SPIDR: variants seen among roughly 807,000 people sequenced by gnomAD.
The protein encoded by SPIDR is scaffold protein involved in DNA repair.
In SPIDR, 93 loss-of-function variants were observed where a neutral mutation model predicts 104.6. The observed-to-expected ratio is 0.89, with a 90% confidence interval of 0.75 to 1.06. The LOEUF is 1.06. SPIDR is among the 50% of genes least tolerant of loss of function. SPIDR has a pLI of 0.00. For synonymous variants in SPIDR, 431 were observed against 416.9 expected (o/e 1.03, Z -0.41); for missense variants, 1,154 against 1,111.2 (o/e 1.04, Z -0.55).
At chr8:47,523,679 T>C (rs1390247599) in intron 8 of SPIDR, among the ~76,000 whole-genome samples, 4 of 152,200 alleles carry the variant, frequency 2.6e-5, no homozygotes, top group African/African-American at 4.8e-5. Context: ...TGCCTCTCTT[T>C]TCCCTGTTAC....
At chr8:47,664,557 C>T (rs1180338805) in intron 10 of SPIDR, among the ~76,000 whole-genome samples, 1 of 151,744 alleles carries the variant, frequency 6.6e-6, no homozygotes, top group Non-Finnish European at 1.5e-5. Context: ...AAAAATTCAC[C>T]AGAAGGGCTC....
At chr8:47,347,850 G>A (rs1554619390) in intron 5 of SPIDR, among the ~76,000 whole-genome samples, 1 of 152,088 alleles carries the variant, frequency 6.6e-6, no homozygotes, top group Non-Finnish European at 1.5e-5. Context: ...TGTCTTTGCA[G>A]GTGAGTTGGG....
At chr8:47,518,558 A>G (rs1438581147) in intron 8 of SPIDR, among the ~76,000 whole-genome samples, 2 of 152,120 alleles carry the variant, frequency 1.3e-5, no homozygotes, top group Non-Finnish European at 2.9e-5. Context: ...CACTCACACC[A>G]GAGCCTCACA....
intron 5 of SPIDR, among the ~76,000 whole-genome samples, chr8:47,360,237 T>C (rs1587670696): frequency 1.4e-5 from 1 of 72,732 alleles, no homozygotes. Context: ...AGAATGAGAC[T>C]CCATCTCAAA....
intron 8 of SPIDR, among the ~76,000 whole-genome samples, chr8:47,503,654 T>C (rs1310063113): frequency 6.6e-6 from 1 of 152,228 alleles, no homozygotes; most frequent in Non-Finnish European, 1.5e-5. Context: ...AATATTGTTA[T>C]GTGTGAATTT....
At chr8:47,389,915 C>A (rs2060381625) in intron 5 of SPIDR, among the ~76,000 whole-genome samples, 2 of 152,012 alleles carry the variant, frequency 1.3e-5, no homozygotes, top group Non-Finnish European at 2.9e-5. Flanking sequence ...CTCTATGGAA[C>A]ACATAGATCC....
At chr8:47,585,291 C>T (rs1049568627) in intron 8 of SPIDR, among the ~76,000 whole-genome samples, 1 of 152,074 alleles carries the variant, frequency 6.6e-6, no homozygotes, top group African/African-American at 2.4e-5. Context: ...AGATACTGAC[C>T]ATTGTTAATT....
chr8:47,291,199 T>TCAGACA, intron 4 of SPIDR, 62 bp downstream of exon 4: 1 of 1,143,114 alleles, frequency 8.7e-7, no homozygotes, highest in Non-Finnish European at 1.3e-6. Flanking sequence ...GTCCAGAAGA[T>TCAGACA]CAGAGTAATG....
At chr8:47,277,774 A>G (rs1394431949) in intron 1 of SPIDR, among the ~76,000 whole-genome samples, 2 of 149,468 alleles carry the variant, frequency 1.3e-5, no homozygotes, top group Non-Finnish European at 3.0e-5. Context: ...TCCTGGGTTC[A>G]AGCAATTCTC....
chr8:47,493,034 AGAGAGT>A (rs1281396857), intron 8 of SPIDR, among the ~76,000 whole-genome samples: 2 of 109,508 alleles, frequency 1.8e-5, no homozygotes, highest in African/African-American at 4.2e-5. Context: ...AGAGAGAGAG[AGAGAGT>A]GAGTGTGTGT....
intron 8 of SPIDR, among the ~76,000 whole-genome samples, chr8:47,521,509 C>G (rs2084084492): frequency 6.6e-6 from 1 of 151,452 alleles, no homozygotes. Flanking sequence ...CCTCCGCCTC[C>G]TGGGTCCCCA....
chr8:47,502,887 G>A (rs907807327), intron 8 of SPIDR, among the ~76,000 whole-genome samples: 4 of 152,142 alleles, frequency 2.6e-5, no homozygotes, highest in Non-Finnish European at 5.9e-5. Flanking sequence ...CCTTCATTTC[G>A]TTATGTACTC....
chr8:47,677,147 A>T (rs943563870), intron 11 of SPIDR, among the ~76,000 whole-genome samples: 1 of 152,028 alleles, frequency 6.6e-6, no homozygotes, highest in Non-Finnish European at 1.5e-5. Context: ...ATGACTCTCT[A>T]CTAAGGGCCA....
At chr8:47,542,199 C>T (rs1045042693) in intron 8 of SPIDR, among the ~76,000 whole-genome samples, 28 of 149,516 alleles carry the variant, frequency 1.9e-4, no homozygotes, top group African/African-American at 7.0e-4. Context: ...CTTTGTCTAA[C>T]ATCCCCATGT....
At chr8:47,695,924 A>G (rs2079267279) in intron 11 of SPIDR, among the ~76,000 whole-genome samples, 1 of 152,156 alleles carries the variant, frequency 6.6e-6, no homozygotes, top group South Asian at 2.1e-4. Flanking sequence ...CATCTATTGT[A>G]TATTTCTGAG....
chr8:47,684,143 A>C (rs1329665960), intron 11 of SPIDR, among the ~76,000 whole-genome samples: 5 of 151,554 alleles, frequency 3.3e-5, no homozygotes, highest in Non-Finnish European at 7.4e-5. Flanking sequence ...AAAAAAAAAA[A>C]AAAAAAAACC....
At position 47,595,882 on chromosome 8, in the gene SPIDR, C is replaced by T; in HGVS notation, c.1169C>T (p.Ala390Val). 6.2e-7 allele frequency: 1 copy of T among 1,614,144 alleles called. No individual in the cohort carries two copies. The part of the protein sequence containing the change: ...LNTYFCEKVV[A>V]KEDSEKTCEV... The stretch of plus-strand genomic sequence containing the variant: ...ACTTACTTTTGTGAGAAAGTTGTTG[C>T]CAAAGAAGATTCAGAAAAAACTTGT... The change falls in exon 9 of 20, where the codon GCC (alanine) becomes GTC (valine). Residue 390 changes from alanine (A) to valine (V), a missense_variant. Transcript: ENST00000297423.
chr8:47,560,574 C>A (rs1271638832), intron 8 of SPIDR, among the ~76,000 whole-genome samples: 2 of 152,220 alleles, frequency 1.3e-5, no homozygotes, highest in Non-Finnish European at 2.9e-5. Context: ...TCCAGAAACC[C>A]AGTGTGACTG....
intron 5 of SPIDR, among the ~76,000 whole-genome samples, chr8:47,298,639 A>G (rs1208668037): frequency 2.0e-5 from 3 of 152,178 alleles, no homozygotes; most frequent in Non-Finnish European, 4.4e-5. Context: ...TATAAGGTGT[A>G]AGGAAGGGAT....
Sources: gnomAD v4.1 joint callset for allele counts (sites outside exome capture counted in the v4.1 genomes callset) on GRCh38, gnomAD v4.1.1 for gene constraint, MANE v1.5 for transcripts, NCBI Gene and HGNC (gene_info 2026-07-23, HGNC 2026-07-21) for gene names.